The following PGR variants were observed in gnomAD, a reference collection of about 807,000 sequenced individuals.
PGR encodes progesterone receptor.
Under a neutral mutation model 76.1 loss-of-function variants are expected in PGR, and 25 were observed. That is an observed-to-expected ratio of 0.33 (90% CI 0.24 to 0.46). The LOEUF is 0.46. Ranked by LOEUF, PGR falls within the 20% of genes least tolerant of loss-of-function variation. PGR has a pLI of 1.00. For missense variants in PGR, 1,172 were observed against 1,225.3 expected, an observed-to-expected ratio of 0.96 and a Z score of 0.65; for synonymous variants, 579 against 535.0, an observed-to-expected ratio of 1.08 and a Z score of -1.14.
intron 2 of PGR, among the ~76,000 whole-genome samples, chr11:101,114,604 C>T (rs1398011717): frequency 6.6e-6 from 1 of 152,088 alleles, no homozygotes; most frequent in Non-Finnish European, 1.5e-5. Context: ...TTAGGATAAT[C>T]CTTCCTAAAT....
rs761902267 is a variant in PGR, at chr11:101,129,222, C to T, written c.-152G>A. The T allele has an allele frequency of 6.9e-5, 26 of 374,286 alleles. No individual in the cohort carries two copies. The highest frequency in any genetic ancestry group is 1.4e-4 in the South Asian group (1 of 6,914). The allele number at this position is 374,286 out of a possible 1,614,324, so 23.2% of individuals were successfully genotyped here. A position where few individuals can be genotyped will look rare whatever the true frequency, so the allele number is the denominator to read the frequency against. On this transcript the variant is annotated 5_prime_UTR_variant, in exon 1 of 8. Transcript: ENST00000325455. ...GGATCTCCACCTCCTGGGTCGGGGG[C>T]GGGGGAGGGCGGCGCTGGTCAGCTC...
At chr11:101,086,419 T>C (rs756220098) in intron 3 of PGR, among the ~76,000 whole-genome samples, 3 of 152,062 alleles carry the variant, frequency 2.0e-5, no homozygotes, top group Admixed American at 6.6e-5. Context: ...CTCAAGAAAC[T>C]AGGCAACAAA....
chr11:101,090,935 C>A (rs980450876), intron 3 of PGR, among the ~76,000 whole-genome samples: 1 of 152,174 alleles, frequency 6.6e-6, no homozygotes, highest in Non-Finnish European at 1.5e-5. Context: ...GTCCATGGAA[C>A]ACAAGCTGTT....
At chr11:101,078,190 G>A (rs1861185855) in intron 3 of PGR, among the ~76,000 whole-genome samples, 1 of 152,118 alleles carries the variant, frequency 6.6e-6, no homozygotes, top group Non-Finnish European at 1.5e-5. Flanking sequence ...AATCTAGGTG[G>A]AGGAGGAGGT....
chr11:101,120,179 T>G (rs1028142609), intron 2 of PGR, among the ~76,000 whole-genome samples: 10 of 152,260 alleles, frequency 6.6e-5, no homozygotes, highest in African/African-American at 2.2e-4. Flanking sequence ...GGTATTCTCA[T>G]GTTCACTAGT....
At chr11:101,125,931 T>C (rs1862826704) in intron 2 of PGR, 76 bp downstream of exon 2, 1 of 1,236,550 alleles carries the variant, frequency 8.1e-7, no homozygotes, top group Non-Finnish European at 1.2e-6. Flanking sequence ...CAAGGAATAA[T>C]TGAAATCTAT....
intron 4 of PGR, among the ~76,000 whole-genome samples, chr11:101,056,325 TAACAG>T (rs1336135274): frequency 3.7e-4 from 56 of 152,050 alleles, no homozygotes; most frequent in Admixed American, 2.9e-3. Flanking sequence ...CTTAAAGAAT[TAACAG>T]AAAGTATATA....
rs1006925412 is a variant in PGR, at chr11:101,030,687, T to C, written c.*8429A>G. 9.6e-6 allele frequency: 2 copies of C among 209,126 alleles called. No individual in the cohort carries two copies. Among genetic ancestry groups the C allele is most frequent in the Non-Finnish European group, 1.9e-5 (2 of 102,852 alleles). The allele number at this position is 209,126 out of a possible 1,614,324, so 13.0% of individuals were successfully genotyped here. A position where few individuals can be genotyped will look rare whatever the true frequency, so the allele number is the denominator to read the frequency against. On this transcript the variant is annotated 3_prime_UTR_variant, in exon 8 of 8. Transcript: ENST00000325455. ...TTCAGCTTTTGACTTCCTCAGTTGG[T>C]CTTTGAAATCCACAGAAAGGCAAGT...
intron 2 of PGR, among the ~76,000 whole-genome samples, chr11:101,109,839 GGCTTCAAA>G (rs1422805030): frequency 2.0e-5 from 3 of 152,318 alleles, no homozygotes; most frequent in African/African-American, 7.2e-5. Context: ...GTCAATGCCT[GGCTTCAAA>G]GCTTCAAAGG....
At position 101,034,735 on chromosome 11, in the gene PGR, T is replaced by C. The variant is rs1859455254; in HGVS notation, c.*4381A>G. ...CCTGAACTCAATAATCTAGGCCCAG[T>C]TCAGCTTGGATTCATCTTATGGATG... On this transcript the variant is annotated 3_prime_UTR_variant, in exon 8 of 8. Coordinates refer to ENST00000325455, the MANE Select transcript of PGR (RefSeq NM_000926.4). The C allele has an allele frequency of 5.7e-6, 1 of 174,482 alleles. No homozygotes were observed. The highest frequency in any genetic ancestry group is 1.2e-5 in the Non-Finnish European group (1 of 80,814). The allele number at this position is 174,482 out of a possible 1,614,324, so 10.8% of individuals were successfully genotyped here.
chr11:101,118,174 G>T lies in PGR; in HGVS notation c.1789+7833C>A, dbSNP rs1862567709. Among the ~76,000 whole-genome samples, 5 of 152,172 alleles carry T rather than the reference G, an allele frequency of 3.3e-5. No individual in the cohort carries two copies. In the South Asian group the frequency reaches 1.0e-3, roughly 31 times the overall value. On this transcript the variant is annotated intron_variant, in intron 2 of 7. Coordinates refer to ENST00000325455, the MANE Select transcript of PGR (RefSeq NM_000926.4). ...GTTAAGGGCATTGACTCCAGGAGTG[G>T]AGTTCTGCTCTACTGTTGACTAACT...
At chr11:101,053,656 C>CTT (rs1860183855) in intron 4 of PGR, among the ~76,000 whole-genome samples, 1 of 146,454 alleles carries the variant, frequency 6.8e-6, no homozygotes, top group African/African-American at 2.5e-5. Context: ...CCCCTTTTCC[C>CTT]TCCTTTCTTT....
At chr11:101,064,344 A>C (rs977832642) in intron 3 of PGR, among the ~76,000 whole-genome samples, 5 of 136,404 alleles carry the variant, frequency 3.7e-5, no homozygotes, top group East Asian at 2.0e-4. Flanking sequence ...AAAAAAAAAA[A>C]AAAAAAAAAA....
chr11:101,074,175 C>T lies in PGR; in HGVS notation c.1907-11423G>A, dbSNP rs189475913. Among the ~76,000 whole-genome samples the T allele has an allele frequency of 1.8e-3, 270 of 152,174 alleles. 1 individual carries two copies. Among genetic ancestry groups the T allele is most frequent in the African/African-American group, 5.5e-3 (229 of 41,532 alleles). ...TGAGATGAAAGCCTGGATCAACATA[C>T]GCACATTAATAAACGTAATCCATCA... On this transcript the variant is annotated intron_variant, in intron 3 of 7. Transcript: ENST00000325455.
intron 6 of PGR, among the ~76,000 whole-genome samples, chr11:101,045,610 T>C (rs1195477109): frequency 2.0e-5 from 3 of 152,142 alleles, no homozygotes; most frequent in Admixed American, 6.6e-5. Context: ...GTTCCATCCA[T>C]GTTGCTGCAA....
At chr11:101,043,501 C>T (rs1859763760) in intron 6 of PGR, among the ~76,000 whole-genome samples, 1 of 152,168 alleles carries the variant, frequency 6.6e-6, no homozygotes, top group South Asian at 2.1e-4. Flanking sequence ...GCTATTTTCA[C>T]CTTCTCCCAT....
In PGR at chr11:101,029,986, G is replaced by A. The variant is rs1029669052; in HGVS notation, c.*9130C>T. 4.5e-6 allele frequency: 1 copy of A among 223,944 alleles called. No individual in the cohort carries two copies. Among genetic ancestry groups the A allele is most frequent in the East Asian group, 6.5e-5 (1 of 15,320 alleles). 13.9% of individuals were successfully genotyped at this position (223,944 alleles called of 1,614,324 possible). A position where few individuals can be genotyped will look rare whatever the true frequency, so the allele number is the denominator to read the frequency against. ...GATGAAAGGACAGTTTCACCTTCTT[G>A]GCAAAAACCTTCAGAACAATTGTCA... On this transcript the variant is annotated 3_prime_UTR_variant, in exon 8 of 8. Transcript: ENST00000325455.
At chr11:101,077,458 A>G (rs1273318725) in intron 3 of PGR, among the ~76,000 whole-genome samples, 1 of 152,226 alleles carries the variant, frequency 6.6e-6, no homozygotes, top group Admixed American at 6.5e-5. Flanking sequence ...GGTATTTTCC[A>G]AAAACCAAAA....
At chr11:101,059,726 C>G (rs911991924) in intron 4 of PGR, among the ~76,000 whole-genome samples, 3 of 151,336 alleles carry the variant, frequency 2.0e-5, no homozygotes, top group Admixed American at 6.6e-5. Context: ...GTCCCAGCTA[C>G]CAGCTCATCA....
Sources: allele counts gnomAD v4.1 joint callset (sites outside exome capture counted in the v4.1 genomes callset), GRCh38; gene constraint gnomAD v4.1.1; transcripts MANE v1.5; gene names NCBI Gene and HGNC (gene_info 2026-07-23, HGNC 2026-07-21).